OPCML: variants seen among roughly 807,000 people sequenced by gnomAD.
OPCML encodes opioid binding protein/cell adhesion molecule like.
A neutral mutation model predicts 37.8 loss-of-function variants in OPCML; 13 were observed. That is an observed-to-expected ratio of 0.34 (90% CI 0.22 to 0.55). The LOEUF (loss-of-function observed/expected upper bound fraction) is 0.55. Ranked by LOEUF, OPCML falls within the 20% of genes least tolerant of loss-of-function variation. The pLI is 0.91. For synonymous variants in OPCML, 176 were observed against 168.8 expected (o/e 1.04, Z -0.33); for missense variants, 341 against 435.6 (o/e 0.78, Z 1.93).
intron 2 of OPCML, among the ~76,000 whole-genome samples, chr11:132,778,775 A>G (rs924491458): frequency 1.2e-4 from 18 of 152,164 alleles, no homozygotes; most frequent in African/African-American, 4.3e-4. Flanking sequence ...AAATTAAAAG[A>G]TATGTCCAAA....
chr11:132,710,634 T>C (rs1944222274), intron 2 of OPCML, among the ~76,000 whole-genome samples: 1 of 151,770 alleles, frequency 6.6e-6, no homozygotes, highest in Non-Finnish European at 1.5e-5. Context: ...AGGTGGATCA[T>C]TTGAGGCCAG....
At chr11:133,108,226 G>A (rs1949191176) in intron 1 of OPCML, among the ~76,000 whole-genome samples, 1 of 152,104 alleles carries the variant, frequency 6.6e-6, no homozygotes, top group Non-Finnish European at 1.5e-5. Context: ...TTTCAGATGG[G>A]GCCAGAGGAG....
At chr11:133,483,265 T>C (rs1426377437) in intron 1 of OPCML, among the ~76,000 whole-genome samples, 1 of 151,510 alleles carries the variant, frequency 6.6e-6, no homozygotes, top group Non-Finnish European at 1.5e-5. Flanking sequence ...GAGTAGGACA[T>C]CCATAGCATT....
chr11:133,364,379 G>A (rs1671907247), intron 1 of OPCML, among the ~76,000 whole-genome samples: 1 of 152,198 alleles, frequency 6.6e-6, no homozygotes, highest in Admixed American at 6.5e-5. Context: ...CAGAGCAGTA[G>A]TAGAGGTGGG....
chr11:132,471,125 A>T (rs1429705087), intron 4 of OPCML, among the ~76,000 whole-genome samples: 1 of 152,212 alleles, frequency 6.6e-6, no homozygotes, highest in Non-Finnish European at 1.5e-5. Context: ...TTGGTAACGC[A>T]TTATTCAATA....
At chr11:133,462,653 T>C (rs1946883471) in intron 1 of OPCML, among the ~76,000 whole-genome samples, 4 of 152,152 alleles carry the variant, frequency 2.6e-5, no homozygotes, top group African/African-American at 9.6e-5. Flanking sequence ...CCCTTTAATA[T>C]GGATATTATT....
intron 4 of OPCML, among the ~76,000 whole-genome samples, chr11:132,480,144 C>T (rs1318244342): frequency 6.6e-6 from 1 of 152,050 alleles, no homozygotes; most frequent in African/African-American, 2.4e-5. Flanking sequence ...GAATGTATAA[C>T]TAGAATAACC....
chr11:132,983,370 T>C (rs998668593), intron 1 of OPCML, among the ~76,000 whole-genome samples: 1 of 152,220 alleles, frequency 6.6e-6, no homozygotes, highest in African/African-American at 2.4e-5. Flanking sequence ...TAAAAGCCTC[T>C]CAGTTACTCA....
At chr11:133,186,268 G>T (rs191394500) in intron 1 of OPCML, among the ~76,000 whole-genome samples, 6 of 152,252 alleles carry the variant, frequency 3.9e-5, no homozygotes, top group African/African-American at 1.2e-4. Flanking sequence ...ACACATCAGG[G>T]ATACAATAGA....
intron 1 of OPCML, among the ~76,000 whole-genome samples, chr11:133,430,399 C>T (rs1022832580): frequency 5.3e-4 from 81 of 152,278 alleles, no homozygotes; most frequent in African/African-American, 1.8e-3. Context: ...TAAATCTTCA[C>T]ATTAGTACAT....
intron 2 of OPCML, among the ~76,000 whole-genome samples, chr11:132,760,003 G>T (rs1458102608): frequency 1.3e-5 from 2 of 152,086 alleles, no homozygotes; most frequent in African/African-American, 4.8e-5. Context: ...TTGTGTCTTT[G>T]TTCTCATTGG....
At chr11:132,762,783 T>C (rs1946309362) in intron 2 of OPCML, among the ~76,000 whole-genome samples, 1 of 152,114 alleles carries the variant, frequency 6.6e-6, no homozygotes, top group Admixed American at 6.5e-5. Flanking sequence ...GCAAGCCCAC[T>C]CGGCTCCCTG....
At chr11:133,504,025 C>T (rs1184620228) in intron 1 of OPCML, among the ~76,000 whole-genome samples, 1 of 151,672 alleles carries the variant, frequency 6.6e-6, no homozygotes, top group African/African-American at 2.4e-5. Flanking sequence ...CTGAGGAAGA[C>T]TCTACTAGCC....
At chr11:133,094,905 C>A (rs984603335) in intron 1 of OPCML, among the ~76,000 whole-genome samples, 6 of 151,876 alleles carry the variant, frequency 4.0e-5, no homozygotes, top group Admixed American at 6.6e-5. Flanking sequence ...AAAATTTTAC[C>A]CCAGTGATGC....
intron 1 of OPCML, among the ~76,000 whole-genome samples, chr11:133,226,829 C>A (rs750399825): frequency 6.6e-6 from 1 of 152,112 alleles, no homozygotes. Flanking sequence ...GGAGCCCAAA[C>A]CAGCGCAGTT....
chr11:133,140,922 CGACGACGACGAA>C lies in OPCML; in HGVS notation c.62-197924_62-197913del, dbSNP rs1224405024. On this transcript the variant is annotated intron_variant, in intron 1 of 7. Coordinates refer to ENST00000524381, the MANE Select transcript of OPCML (RefSeq NM_001012393.5). The stretch of plus-strand genomic sequence containing the variant: ...ACGACGACGACGAAGAAGAAGAAGA[CGACGACGACGAA>C]GAAGAAGAAGACGACGAAGAAGAAG... Among the ~76,000 whole-genome samples the C allele has an allele frequency of 0.018, 88 of 4,792 alleles. 23 individuals carry two copies. The East Asian group carries it at 0.3, about 16-fold the overall frequency. The allele number at this position is 4,792 out of a possible 152,430, so 3.1% of individuals were successfully genotyped here.
intron 1 of OPCML, among the ~76,000 whole-genome samples, chr11:133,285,409 G>A (rs542678669): frequency 7.2e-5 from 11 of 152,292 alleles, no homozygotes; most frequent in Non-Finnish European, 1.3e-4. Flanking sequence ...AATGGGAGCC[G>A]GACTGGAGGA....
chr11:132,831,202 G>C (rs959877567), intron 2 of OPCML, among the ~76,000 whole-genome samples: 4 of 152,078 alleles, frequency 2.6e-5, no homozygotes, highest in African/African-American at 9.7e-5. Context: ...TGAAATACAA[G>C]AGGAAATTTC....
intron 1 of OPCML, among the ~76,000 whole-genome samples, chr11:133,204,058 CAAAAAAAAAAAAAAA>C (rs58343203): frequency 3.0e-5 from 2 of 66,512 alleles, no homozygotes; most frequent in African/African-American, 5.4e-5. Context: ...GACTCTGTCT[CAAAAAAAAAAAAAAA>C]AAAAAAAAAA....
Sources: allele counts gnomAD v4.1 joint callset (sites outside exome capture counted in the v4.1 genomes callset), GRCh38; gene constraint gnomAD v4.1.1; transcripts MANE v1.5; gene names NCBI Gene and HGNC (gene_info 2026-07-23, HGNC 2026-07-21).